Variants in THSD7A observed in about 807,000 individuals in gnomAD.
The protein encoded by THSD7A is thrombospondin type 1 domain containing 7A, also known as thrombospondin type-1 domain-containing protein 7A.
A neutral mutation model predicts 231.3 loss-of-function variants in THSD7A; 96 were observed. The observed-to-expected ratio is 0.41, with a 90% CI of 0.35 to 0.49. The LOEUF (loss-of-function observed/expected upper bound fraction) is 0.49. Ranked by LOEUF, THSD7A falls within the 20% of genes least tolerant of loss-of-function variation. The probability of loss-of-function intolerance (pLI) is 0.05; values close to 1 mark genes in which losing one functional copy is unlikely to be tolerated. For synonymous variants in THSD7A, 940 were observed against 743.3 expected, an observed-to-expected ratio of 1.26 and a Z score of -4.30; for missense variants, 2,290 against 2,070.2, an observed-to-expected ratio of 1.11 and a Z score of -2.06.
At chr7:11,649,812 G>C (rs1026899630) in intron 1 of THSD7A, among the ~76,000 whole-genome samples, 1 of 151,868 alleles carries the variant, frequency 6.6e-6, no homozygotes, top group African/African-American at 2.4e-5. Flanking sequence ...GACTGTTAAG[G>C]GTGCCACCTT....
intron 13 of THSD7A, among the ~76,000 whole-genome samples, chr7:11,435,117 G>A (rs1319929351): frequency 6.6e-6 from 1 of 151,902 alleles, no homozygotes; most frequent in Non-Finnish European, 1.5e-5. Context: ...ATGGCTGTGA[G>A]GTTTTGTTAT....
intron 2 of THSD7A, among the ~76,000 whole-genome samples, chr7:11,608,408 G>C (rs1780808427): frequency 6.6e-6 from 1 of 152,116 alleles, no homozygotes; most frequent in African/African-American, 2.4e-5. Context: ...TGTGAAAAAT[G>C]AGAGGGAGAG....
intron 1 of THSD7A, among the ~76,000 whole-genome samples, chr7:11,813,237 G>C (rs1325971306): frequency 6.6e-6 from 1 of 152,080 alleles, no homozygotes; most frequent in Non-Finnish European, 1.5e-5. Flanking sequence ...TACTAAGTGT[G>C]TTCATGATTA....
chr7:11,612,293 A>G (rs1175092311), intron 2 of THSD7A, among the ~76,000 whole-genome samples: 1 of 152,202 alleles, frequency 6.6e-6, no homozygotes, highest in African/African-American at 2.4e-5. Flanking sequence ...CAAAGTAATC[A>G]TCCCAGCTCT....
At chr7:11,445,972 A>G in intron 13 of THSD7A, 89 bp downstream of exon 13, 1 of 1,491,048 alleles carries the variant, frequency 6.7e-7, no homozygotes, top group Non-Finnish European at 9.2e-7. Context: ...ACGTCTGTAA[A>G]CCTTCACTTC....
In THSD7A at chr7:11,831,981, GC is replaced by G; in HGVS notation, c.-36del. The G allele has an allele frequency of 8.2e-7, 1 of 1,212,490 alleles. No individual in the cohort carries two copies. The highest frequency in any genetic ancestry group is 3.3e-5 in the East Asian group (1 of 30,640). 75.1% of individuals were successfully genotyped at this position (1,212,490 alleles called of 1,614,324 possible). A position where few individuals can be genotyped will look rare whatever the true frequency, so the allele number is the denominator to read the frequency against. ...AGCCACTCCAGGGTCCAGAGCCGTAGCACGCTCGGCAGGGAATTTTTCTCCG... is the reference window on the plus strand; with the variant it reads ...AGCCACTCCAGGGTCCAGAGCCGTAGACGCTCGGCAGGGAATTTTTCTCCG... On this transcript the variant is annotated 5_prime_UTR_variant, in exon 1 of 28. Transcript: ENST00000423059. The surrounding 1 kb of genome is among the most constrained non-coding windows in gnomAD (Gnocchi z 5.0).
At chr7:11,775,775 G>A (rs1384301419) in intron 1 of THSD7A, among the ~76,000 whole-genome samples, 2 of 152,238 alleles carry the variant, frequency 1.3e-5, no homozygotes, top group Admixed American at 1.3e-4. Context: ...GCACAACAAT[G>A]TTAATGTACC....
Position 11,417,520 on chromosome 7 carries a change from C to T in THSD7A, c.3467G>A (p.Arg1156Lys), listed in dbSNP as rs751745766. The change falls in exon 17 of 28, where the codon AGA (arginine) becomes AAA (lysine). Residue 1156 changes from arginine (R) to lysine (K), a missense_variant. Transcript: ENST00000423059. ...CDPEEMPLGS[R>K]VCKLPCPEDC... ...CTCAGGGCATGGTAATTTGCACACT[C>T]TAGAGCCCAGGGGCATCTCTTCTGG... 3.5e-5 allele frequency: 57 copies of T among 1,613,726 alleles called. No homozygotes were observed. The highest frequency in any genetic ancestry group is 4.7e-5 in the Non-Finnish European group (56 of 1,179,814).
intron 4 of THSD7A, among the ~76,000 whole-genome samples, chr7:11,581,972 G>C (rs985670281): frequency 5.3e-5 from 8 of 151,928 alleles, no homozygotes; most frequent in Admixed American, 3.9e-4. Context: ...TCTTAGTTTG[G>C]TCACTGTAAA....
At chr7:11,523,803 T>A (rs1788365083) in intron 6 of THSD7A, among the ~76,000 whole-genome samples, 1 of 152,138 alleles carries the variant, frequency 6.6e-6, no homozygotes, top group African/African-American at 2.4e-5. Flanking sequence ...ACATTTTTAT[T>A]GTTCTCCGCT....
rs1256344911 is a variant in THSD7A at position 11,444,831 on chromosome 7, C to CTA, written c.3064+1228_3064+1229dup. Among the ~76,000 whole-genome samples the CTA allele has an allele frequency of 6.9e-6, 1 of 145,384 alleles. No individual in the cohort carries two copies. Among genetic ancestry groups the CTA allele is most frequent in the African/African-American group, 2.5e-5 (1 of 39,856 alleles). ...TGTATAAACTATATATATAATTAAA[C>CTA]TATATATATAATTAAACTATATATA... On this transcript the variant is annotated intron_variant, in intron 13 of 27. Coordinates refer to ENST00000423059, the MANE Select transcript of THSD7A (RefSeq NM_015204.3). This position sits in a 1 kb window ranked among gnomAD's most constrained non-coding sequence, Gnocchi z 4.2.
intron 23 of THSD7A, among the ~76,000 whole-genome samples, chr7:11,395,557 T>C (rs962541417): frequency 6.6e-6 from 1 of 151,436 alleles, no homozygotes; most frequent in Non-Finnish European, 1.5e-5. Context: ...AGACAGAATC[T>C]TGCTCTGTCA....
intron 22 of THSD7A, 55 bp from the exon 23 acceptor site, chr7:11,402,023 G>C (rs760963116): frequency 4.7e-6 from 7 of 1,504,434 alleles, no homozygotes; most frequent in Non-Finnish European, 6.3e-6. Flanking sequence ...AAGCCAGCCC[G>C]ATAATCATTT....
chr7:11,808,634 G>A (rs1784454839), intron 1 of THSD7A, among the ~76,000 whole-genome samples: 1 of 152,076 alleles, frequency 6.6e-6, no homozygotes, highest in Non-Finnish European at 1.5e-5. Flanking sequence ...GAGATTTGTT[G>A]TGTTAGCAAA....
At chr7:11,803,507 G>A (rs530592125) in intron 1 of THSD7A, among the ~76,000 whole-genome samples, 32 of 152,216 alleles carry the variant, frequency 2.1e-4, no homozygotes, top group African/African-American at 7.7e-4. Context: ...TAAGAGCTAT[G>A]AGATTGAGAG....
intron 1 of THSD7A, among the ~76,000 whole-genome samples, chr7:11,728,290 A>G (rs1356720547): frequency 6.6e-6 from 1 of 152,002 alleles, no homozygotes; most frequent in Non-Finnish European, 1.5e-5. Flanking sequence ...TAGGCAGGTC[A>G]AGATTAACCA....
At chr7:11,727,206 T>A (rs1302760599) in intron 1 of THSD7A, among the ~76,000 whole-genome samples, 1 of 152,048 alleles carries the variant, frequency 6.6e-6, no homozygotes, top group Non-Finnish European at 1.5e-5. Flanking sequence ...TGTTGGGCCT[T>A]TGAGATTCTT....
rs144564853 is a variant in THSD7A, at chr7:11,580,549, A to C, written c.1453+9911T>G. Among the ~76,000 whole-genome samples, 101 of 152,312 alleles carry C rather than the reference A, an allele frequency of 6.6e-4. No homozygotes were observed. In the East Asian group the frequency reaches 0.018, roughly 27 times the overall value. On this transcript the variant is annotated intron_variant, in intron 4 of 27. Coordinates refer to ENST00000423059, the MANE Select transcript of THSD7A (RefSeq NM_015204.3). ...AAAAAATCACCAGAAAATACTATGCAGCCATTAAAAGAATGAAATCATATC... is the reference window on the plus strand; with the variant it reads ...AAAAAATCACCAGAAAATACTATGCCGCCATTAAAAGAATGAAATCATATC...
rs140402002 is a variant in THSD7A at position 11,758,315 on chromosome 7, G to A, written c.190+73442C>T. On this transcript the variant is annotated intron_variant, in intron 1 of 27. Transcript: ENST00000423059. ...TGATGTCTAGAGAAATCCTCTTAGC[G>A]TAGAAAACCTTTAAATGCTAGATAA... 7.2e-4 allele frequency among the ~76,000 whole-genome samples: 109 copies of A among 151,966 alleles called. 2 individuals carry two copies. The highest frequency in any genetic ancestry group is 3.4e-3 in the Middle Eastern group (1 of 294).
Sources: gnomAD v4.1 joint callset for allele counts (sites outside exome capture counted in the v4.1 genomes callset) on GRCh38, gnomAD v4.1.1 for gene constraint, Gnocchi (gnomAD v3.1) non-coding constraint, MANE v1.5 for transcripts, NCBI Gene and HGNC (gene_info 2026-07-23, HGNC 2026-07-21) for gene names.